Variants in SYNDIG1 observed in about 807,000 individuals in gnomAD.
The protein encoded by SYNDIG1 is synapse differentiation-inducing gene protein 1.
In SYNDIG1, 9 loss-of-function variants were observed where a neutral mutation model predicts 19.4. The ratio of observed to expected loss-of-function variants is 0.46; its 90% CI spans 0.28 to 0.81. The LOEUF (loss-of-function observed/expected upper bound fraction) is 0.81. SYNDIG1 is among the 30% of genes least tolerant of loss of function. SYNDIG1 has a pLI of 0.12. For missense variants in SYNDIG1, 311 were observed against 343.3 expected (o/e 0.91, Z 0.74); for synonymous variants, 141 against 145.9 (o/e 0.97, Z 0.24).
chr20:24,479,977 C>T (rs2055750409), intron 1 of SYNDIG1, among the ~76,000 whole-genome samples: 1 of 152,218 alleles, frequency 6.6e-6, no homozygotes, highest in Admixed American at 6.5e-5. Flanking sequence ...AATGCCTGCA[C>T]ACACACACAC....
intron 1 of SYNDIG1, among the ~76,000 whole-genome samples, chr20:24,527,755 G>A (rs1234574771): frequency 6.6e-6 from 1 of 152,132 alleles, no homozygotes; most frequent in Non-Finnish European, 1.5e-5. Context: ...TCAGAGTGTG[G>A]TCCCTGGATC....
intron 2 of SYNDIG1, among the ~76,000 whole-genome samples, chr20:24,557,576 A>C (rs1280428659): frequency 2.0e-5 from 3 of 152,092 alleles, no homozygotes; most frequent in African/African-American, 7.2e-5. Flanking sequence ...TCCACTCCAG[A>C]CCCTGTTTGC....
At chr20:24,568,346 T>A (rs1305789288) in intron 2 of SYNDIG1, among the ~76,000 whole-genome samples, 21 of 152,186 alleles carry the variant, frequency 1.4e-4, no homozygotes, top group Admixed American at 1.4e-3. Context: ...GAATGGACCA[T>A]TTTGTTTCAG....
At chr20:24,581,618 G>T (rs902232312) in intron 2 of SYNDIG1, among the ~76,000 whole-genome samples, 29 of 152,110 alleles carry the variant, frequency 1.9e-4, no homozygotes, top group African/African-American at 7.0e-4. Flanking sequence ...GAGGGATGGA[G>T]AGTGGAGTCG....
chr20:24,559,060 T>C (rs2057883108), intron 2 of SYNDIG1, among the ~76,000 whole-genome samples: 1 of 152,140 alleles, frequency 6.6e-6, no homozygotes, highest in South Asian at 2.1e-4. Flanking sequence ...CTATTCACAA[T>C]AGCAAAGATA....
At chr20:24,546,280 C>T (rs973217341) in intron 2 of SYNDIG1, among the ~76,000 whole-genome samples, 6 of 152,176 alleles carry the variant, frequency 3.9e-5, no homozygotes, top group Admixed American at 1.3e-4. Flanking sequence ...TTACTGTTTT[C>T]TCCATTCCAT....
At chr20:24,564,781 C>CT (rs1216762934) in intron 2 of SYNDIG1, among the ~76,000 whole-genome samples, 2 of 36,266 alleles carry the variant, frequency 5.5e-5, no homozygotes, top group African/African-American at 1.7e-4. Context: ...ATGATTCTTG[C>CT]CTGGGCTCAT....
intron 3 of SYNDIG1, among the ~76,000 whole-genome samples, chr20:24,586,328 G>A (rs994050620): frequency 5.9e-5 from 9 of 152,132 alleles, no homozygotes; most frequent in East Asian, 1.9e-4. Flanking sequence ...TTGTGACTTC[G>A]TCCCACAAAT....
At chr20:24,588,047 C>T (rs923682195) in intron 3 of SYNDIG1, among the ~76,000 whole-genome samples, 12 of 152,200 alleles carry the variant, frequency 7.9e-5, no homozygotes, top group Non-Finnish European at 1.2e-4. Context: ...GAATTATGCA[C>T]CTCCAGTATG....
chr20:24,512,852 G>A (rs991961445), intron 1 of SYNDIG1, among the ~76,000 whole-genome samples: 36 of 152,230 alleles, frequency 2.4e-4, no homozygotes, highest in Admixed American at 2.2e-3. Flanking sequence ...TGACCCCCGA[G>A]TAGCCTAACT....
intron 1 of SYNDIG1, among the ~76,000 whole-genome samples, chr20:24,478,916 C>T (rs915964969): frequency 1.3e-5 from 2 of 152,242 alleles, no homozygotes; most frequent in South Asian, 2.1e-4. Flanking sequence ...CTCCGCAGGA[C>T]AGCAGGTCGA....
At position 24,578,763 on chromosome 20, in the gene SYNDIG1, G is replaced by A. The variant is rs529603856; in HGVS notation, c.481-6093G>A. Among the ~76,000 whole-genome samples, 5 of 152,332 alleles carry A rather than the reference G, an allele frequency of 3.3e-5. No individual in the cohort carries two copies. In the South Asian group the frequency reaches 8.3e-4, roughly 25 times the overall value. ...AGGGAGCTCCCTGCAGGTGGAAAAC[G>A]CCAAGCCCAGAGTAAAGAGGGTCAG... On this transcript the variant is annotated intron_variant, in intron 2 of 3. Coordinates refer to ENST00000376862, the MANE Select transcript of SYNDIG1 (RefSeq NM_024893.3).
At chr20:24,593,376 T>G (rs1169736200) in intron 3 of SYNDIG1, among the ~76,000 whole-genome samples, 1 of 152,226 alleles carries the variant, frequency 6.6e-6, no homozygotes, top group African/African-American at 2.4e-5. Context: ...GGACATGATC[T>G]CCTTTTGTTT....
chr20:24,631,146 T>C lies in SYNDIG1; in HGVS notation c.619-34200T>C, dbSNP rs576823459. Among the ~76,000 whole-genome samples the C allele has an allele frequency of 3.1e-4, 47 of 152,232 alleles. 1 individual carries two copies. In the East Asian group the frequency reaches 8.7e-3, roughly 28 times the overall value. On this transcript the variant is annotated intron_variant, in intron 3 of 3. Coordinates refer to ENST00000376862, the MANE Select transcript of SYNDIG1 (RefSeq NM_024893.3). ...ACTTTGTGACATACAAGGGAAACCA[T>C]GGAAATCAAGGAAGAGGCTGTGGCC...
intron 1 of SYNDIG1, among the ~76,000 whole-genome samples, chr20:24,488,716 A>T (rs1218618315): frequency 6.6e-6 from 1 of 152,194 alleles, no homozygotes; most frequent in Non-Finnish European, 1.5e-5. Context: ...ACGGTGTCTC[A>T]TTGATGAGCT....
At chr20:24,501,167 TA>T (rs1273945991) in intron 1 of SYNDIG1, among the ~76,000 whole-genome samples, 4 of 152,248 alleles carry the variant, frequency 2.6e-5, no homozygotes, top group Admixed American at 6.5e-5. Context: ...ATATTCCATC[TA>T]TTTTTTTATA....
At chr20:24,639,632 G>A (rs1041867356) in intron 3 of SYNDIG1, among the ~76,000 whole-genome samples, 1 of 152,162 alleles carries the variant, frequency 6.6e-6, no homozygotes, top group African/African-American at 2.4e-5. Flanking sequence ...CGGTATCAAT[G>A]TGGTTTATTT....
chr20:24,576,220 A>C (rs538364515), intron 2 of SYNDIG1, among the ~76,000 whole-genome samples: 15 of 152,356 alleles, frequency 9.8e-5, no homozygotes, highest in East Asian at 3.9e-4. Context: ...AATATGTTGC[A>C]ATTAGAAATA....
chr20:24,662,135 G>C (rs897632569), intron 3 of SYNDIG1, among the ~76,000 whole-genome samples: 1 of 151,768 alleles, frequency 6.6e-6, no homozygotes, highest in African/African-American at 2.4e-5. Context: ...GTGGTACGAG[G>C]TGGCTGGACC....
Sources: gnomAD v4.1 joint callset for allele counts (sites outside exome capture counted in the v4.1 genomes callset) on GRCh38, gnomAD v4.1.1 for gene constraint, MANE v1.5 for transcripts, NCBI Gene and HGNC (gene_info 2026-07-23, HGNC 2026-07-21) for gene names.